The following C2CD5 variants were observed in gnomAD, a reference collection of about 807,000 sequenced individuals.
C2CD5 encodes C2 domain-containing protein 5.
Under a neutral mutation model 130.3 loss-of-function variants are expected in C2CD5, and 109 were observed. The observed-to-expected ratio is 0.84, with a 90% CI of 0.72 to 0.98. The LOEUF (loss-of-function observed/expected upper bound fraction) is 0.98. Ranked by LOEUF, C2CD5 falls within the 50% of genes least tolerant of loss-of-function variation. The pLI is 0.00. For missense variants in C2CD5, 996 were observed against 1,261.8 expected (o/e 0.79, Z 3.19); for synonymous variants, 454 against 429.2 (o/e 1.06, Z -0.71).
chr12:22,537,200 A>C (rs1485034182), intron 2 of C2CD5, among the ~76,000 whole-genome samples: 1 of 152,222 alleles, frequency 6.6e-6, no homozygotes, highest in Non-Finnish European at 1.5e-5. Context: ...CATTCTAAAT[A>C]AAGATCCGAT....
Position 22,459,515 on chromosome 12 carries a change from G to T in C2CD5, c.2561C>A (p.Ser854Ter), listed in dbSNP as rs1017108799. The T allele has an allele frequency of 2.6e-6, 4 of 1,532,596 alleles. No homozygotes were observed. The highest frequency in any genetic ancestry group is 2.6e-6 in the Non-Finnish European group (3 of 1,143,972). The allele number at this position is 1,532,596 out of a possible 1,614,324, so 94.9% of individuals were successfully genotyped here. A position where few individuals can be genotyped will look rare whatever the true frequency, so the allele number is the denominator to read the frequency against. Residue 854 changes from serine (S) to a stop codon, truncating the protein, a stop_gained, in exon 23 of 27, where the codon TCA (serine) becomes TAA (stop). Transcript: ENST00000446597. LOFTEE classifies it high-confidence loss of function. ...KEHLESASSN[S>*]GIPAAQRATS... Reference sequence around the variant, plus strand: ...ACCTCTCTGTGCAGCTGGTATACCTGAGTTAGAACTTGCACTCTCCAGGTG... The same window carrying T: ...ACCTCTCTGTGCAGCTGGTATACCTTAGTTAGAACTTGCACTCTCCAGGTG...
intron 4 of C2CD5, among the ~76,000 whole-genome samples, chr12:22,526,744 T>C (rs547342481): frequency 2.6e-5 from 4 of 152,300 alleles, no homozygotes; most frequent in Non-Finnish European, 4.4e-5. Context: ...TTTCAAAACA[T>C]GCTCTGATAA....
intron 10 of C2CD5, among the ~76,000 whole-genome samples, chr12:22,494,017 G>T (rs1004048809): frequency 2.0e-5 from 3 of 151,962 alleles, no homozygotes; most frequent in African/African-American, 7.2e-5. Flanking sequence ...TTTAAAAAAT[G>T]ATTTAGAGTC....
rs1442210593 is a variant in C2CD5 at position 22,479,996 on chromosome 12, A to G, written c.1738-1519T>C. 2.0e-5 allele frequency among the ~76,000 whole-genome samples: 3 copies of G among 152,198 alleles called. No homozygotes were observed. The East Asian group carries it at 5.8e-4, about 29-fold the overall frequency. On this transcript the variant is annotated intron_variant, in intron 14 of 26. Transcript: ENST00000446597. ...GAACACCAATCCTAAAAAGGGATTG[A>G]TGAAGAAATCTGCATAGTAGATAAA...
intron 3 of C2CD5, among the ~76,000 whole-genome samples, chr12:22,533,527 G>GAGAA (rs1951518578): frequency 6.6e-6 from 1 of 152,152 alleles, no homozygotes; most frequent in Non-Finnish European, 1.5e-5. Flanking sequence ...CAGATGTAGA[G>GAGAA]AGAAAGAGGG....
At chr12:22,461,820 C>G (rs1295850630) in intron 22 of C2CD5, among the ~76,000 whole-genome samples, 1 of 152,010 alleles carries the variant, frequency 6.6e-6, no homozygotes, top group Non-Finnish European at 1.5e-5. Flanking sequence ...CTGAAAAACC[C>G]AAGTTTTTAA....
At chr12:22,513,095 A>G (rs1438429732) in intron 9 of C2CD5, among the ~76,000 whole-genome samples, 199 bp downstream of exon 9, 2 of 152,120 alleles carry the variant, frequency 1.3e-5, no homozygotes, top group Admixed American at 6.6e-5. Flanking sequence ...AAAAATTATT[A>G]TTACGTAATT....
intron 20 of C2CD5, among the ~76,000 whole-genome samples, 192 bp from the exon 21 acceptor site, chr12:22,471,103 G>C (rs893379029): frequency 6.6e-6 from 1 of 151,820 alleles, no homozygotes; most frequent in Admixed American, 6.6e-5. Flanking sequence ...CCTAAATCTA[G>C]ATATTCCAGA....
chr12:22,467,428 C>T (rs1393838894), intron 22 of C2CD5, among the ~76,000 whole-genome samples: 1 of 152,108 alleles, frequency 6.6e-6, no homozygotes, highest in African/African-American at 2.4e-5. Context: ...TATGAGTCAC[C>T]GCGCCCAGCT....
chr12:22,497,317 A>G (rs1055841968), intron 10 of C2CD5, among the ~76,000 whole-genome samples: 3 of 152,144 alleles, frequency 2.0e-5, no homozygotes, highest in Non-Finnish European at 4.4e-5. Flanking sequence ...ACACTTAGAA[A>G]TCATAAATAC....
Position 22,463,420 on chromosome 12 carries a change from G to T in C2CD5, c.2534-3878C>A, listed in dbSNP as rs1350785613. ...AAAAAAAAAAAGTAGGACATTTAAG[G>T]CCTGATTAGGCCAGGTCTCCACCCT... On this transcript the variant is annotated intron_variant, in intron 22 of 26. Transcript: ENST00000446597. The T allele has an allele frequency of 2.6e-5, 4 of 152,032 alleles. No homozygotes were observed. In the East Asian group the frequency reaches 7.7e-4, roughly 29 times the overall value. The allele number at this position is 152,032 out of a possible 1,614,324, so 9.4% of individuals were successfully genotyped here. A position where few individuals can be genotyped will look rare whatever the true frequency, so the allele number is the denominator to read the frequency against.
chr12:22,458,652 G>A (rs572784257), intron 23 of C2CD5, 67 bp from the exon 24 acceptor site: 20 of 548,018 alleles, frequency 3.6e-5, no homozygotes, highest in Admixed American at 1.7e-4. Flanking sequence ...TCTCTTACTC[G>A]TCTTAACACT....
intron 3 of C2CD5, among the ~76,000 whole-genome samples, chr12:22,532,441 T>C (rs569218058): frequency 6.0e-4 from 92 of 152,182 alleles, no homozygotes; most frequent in African/African-American, 2.0e-3. Context: ...CTGGAAAGAA[T>C]TCATGTTTGA....
chr12:22,523,666 C>CA (rs1565788062), intron 6 of C2CD5, 42 bp from the exon 7 acceptor site: 5 of 1,395,738 alleles, frequency 3.6e-6, no homozygotes, highest in Non-Finnish European at 5.0e-6. Flanking sequence ...TGTAGCTTTA[C>CA]ATTACATACT....
chr12:22,535,578 GAACT>G (rs1209234021), intron 2 of C2CD5, among the ~76,000 whole-genome samples: 1 of 151,906 alleles, frequency 6.6e-6, no homozygotes, highest in Non-Finnish European at 1.5e-5. Context: ...ACATCACAAA[GAACT>G]AACTTCCTCC....
At chr12:22,541,692 T>C (rs910335356) in intron 2 of C2CD5, among the ~76,000 whole-genome samples, 7 of 152,200 alleles carry the variant, frequency 4.6e-5, no homozygotes, top group Non-Finnish European at 1.0e-4. Context: ...TGACAAACAC[T>C]TTTCTCAGGG....
chr12:22,543,387 A>G (rs956398075), intron 2 of C2CD5, among the ~76,000 whole-genome samples: 1 of 152,262 alleles, frequency 6.6e-6, no homozygotes, highest in Non-Finnish European at 1.5e-5. Context: ...TCAAGGCGCT[A>G]AATTACCCTG....
intron 9 of C2CD5, among the ~76,000 whole-genome samples, chr12:22,511,274 T>A (rs11046451): frequency 0.039 from 5,896 of 151,954 alleles, 382 homozygotes; most frequent in African/African-American, 0.13. Context: ...TATAAGTAGA[T>A]CATGTCAGTG....
chr12:22,540,235 T>C (rs1281621142), intron 2 of C2CD5, among the ~76,000 whole-genome samples: 2 of 152,200 alleles, frequency 1.3e-5, no homozygotes, highest in Admixed American at 1.3e-4. Flanking sequence ...AGCAGTCACA[T>C]TCACGTGGTT....
Sources: gnomAD v4.1 joint callset for allele counts (sites outside exome capture counted in the v4.1 genomes callset) on GRCh38, gnomAD v4.1.1 for gene constraint, MANE v1.5 for transcripts, NCBI Gene and HGNC (gene_info 2026-07-23, HGNC 2026-07-21) for gene names.